Variants in LRRC49 observed in about 807,000 individuals in gnomAD.
LRRC49 encodes the protein leucine-rich repeat-containing protein 49.
A neutral mutation model predicts 83.3 loss-of-function variants in LRRC49; 50 were observed. That is an observed-to-expected ratio of 0.60 (90% CI 0.48 to 0.76). The LOEUF (loss-of-function observed/expected upper bound fraction) is 0.76. LRRC49 is among the 30% of genes least tolerant of loss of function. The probability of loss-of-function intolerance (pLI) is 0.00; values close to 1 mark genes in which losing one functional copy is unlikely to be tolerated. For missense variants in LRRC49, 704 were observed against 809.1 expected (o/e 0.87, Z 1.58); for synonymous variants, 286 against 283.3 (o/e 1.01, Z -0.10).
upstream of LRRC49, among the ~76,000 whole-genome samples, chr15:70,888,997 T>C (rs2033481934): frequency 6.6e-6 from 1 of 152,154 alleles, no homozygotes; most frequent in Non-Finnish European, 1.5e-5. Flanking sequence ...AAACTTGTGG[T>C]AGAAGTGTAA....
At position 71,009,883 on chromosome 15, in the gene LRRC49, A is replaced by C; in HGVS notation, c.1484A>C (p.Gln495Pro). ...NALAQLRRID[Q>P]LTIDPQGNPV... ...CTAGCCCAACTCCGTCGTATTGACC[A>C]GTTGACAATTGATCCTCAAGGAAAT... The change falls in exon 13 of 16, where the codon CAG becomes CCG. Residue 495 changes from glutamine to proline, a missense_variant. Physicochemically the swap from Gln to Pro is moderately conservative, Grantham distance 76 (BLOSUM62 -1). Coordinates refer to ENST00000260382, the MANE Select transcript of LRRC49 (RefSeq NM_017691.5). 6.2e-7 allele frequency: 1 copy of C among 1,612,568 alleles called. No individual in the cohort carries two copies. Among genetic ancestry groups the C allele is most frequent in the Non-Finnish European group, 8.5e-7 (1 of 1,178,850 alleles).
At chr15:70,879,140 TTC>T (rs904760999) in intron 2 of LRRC49, among the ~76,000 whole-genome samples, 4 of 152,212 alleles carry the variant, frequency 2.6e-5, no homozygotes, top group Non-Finnish European at 4.4e-5. Context: ...GCTTCAGACT[TTC>T]TGTTTCTCCT....
chr15:70,871,180 A>G (rs2033025556), intron 1 of LRRC49, among the ~76,000 whole-genome samples: 1 of 151,936 alleles, frequency 6.6e-6, no homozygotes, highest in Admixed American at 6.6e-5. Context: ...GCCTTCAAGC[A>G]TCTGTTTAAC....
intron 8 of LRRC49, among the ~76,000 whole-genome samples, chr15:70,948,355 C>G (rs2036086499): frequency 6.6e-6 from 1 of 152,174 alleles, no homozygotes; most frequent in South Asian, 2.1e-4. Flanking sequence ...GCTTCACCTA[C>G]TGCTTTTCAT....
At chr15:71,018,010 A>G (rs2038879975) in intron 14 of LRRC49, among the ~76,000 whole-genome samples, 1 of 152,172 alleles carries the variant, frequency 6.6e-6, no homozygotes, top group Admixed American at 6.5e-5. Flanking sequence ...TGTAGAATCT[A>G]TATGATACTG....
upstream of LRRC49, chr15:70,892,003 G>A (rs2033596989): frequency 1.2e-6 from 2 of 1,612,920 alleles, no homozygotes; most frequent in Admixed American, 1.7e-5. Flanking sequence ...CGGGCACCCG[G>A]TGCAGGGTGG....
intron 2 of LRRC49, among the ~76,000 whole-genome samples, chr15:70,886,972 T>A (rs776352843): frequency 6.6e-6 from 1 of 152,022 alleles, no homozygotes. Flanking sequence ...AATACAAGAT[T>A]ATCATGAAGG....
upstream of LRRC49, among the ~76,000 whole-genome samples, chr15:70,890,239 T>C (rs1654657572): frequency 2.0e-5 from 3 of 152,128 alleles, no homozygotes; most frequent in Non-Finnish European, 4.4e-5. Context: ...AGTATTTATC[T>C]CTCTTGCTAC....
chr15:71,027,717 G>C (rs186189809), intron 14 of LRRC49, among the ~76,000 whole-genome samples: 1 of 152,260 alleles, frequency 6.6e-6, no homozygotes, highest in East Asian at 1.9e-4. Context: ...GTGAATGGTA[G>C]TTCACTCATG....
intron 14 of LRRC49, among the ~76,000 whole-genome samples, chr15:71,026,821 C>T (rs2039187836): frequency 6.6e-6 from 1 of 151,858 alleles, no homozygotes; most frequent in Admixed American, 6.6e-5. Flanking sequence ...GCTTTAAGTT[C>T]CTTGTAGATT....
At chr15:70,922,928 T>A (rs1159664571) in intron 7 of LRRC49, among the ~76,000 whole-genome samples, 7 of 152,028 alleles carry the variant, frequency 4.6e-5, no homozygotes, top group African/African-American at 1.4e-4. Context: ...TTTGTATATA[T>A]CTTTTATTTT....
At chr15:70,926,551 G>A (rs949363244) in intron 7 of LRRC49, among the ~76,000 whole-genome samples, 1 of 151,844 alleles carries the variant, frequency 6.6e-6, no homozygotes, top group African/African-American at 2.4e-5. Context: ...AAGTTTTAGG[G>A]TACATGTGCA....
chr15:70,928,531 CATTTATTT>C (rs200085806), intron 7 of LRRC49, among the ~76,000 whole-genome samples: 25 of 151,678 alleles, frequency 1.6e-4, no homozygotes, highest in Non-Finnish European at 3.1e-4. Context: ...TCATAACTTT[CATTTATTT>C]ATTTATTTAT....
At chr15:70,903,684 A>G (rs184547028) in intron 4 of LRRC49, among the ~76,000 whole-genome samples, 1 of 152,262 alleles carries the variant, frequency 6.6e-6, no homozygotes, top group African/African-American at 2.4e-5. Flanking sequence ...AGTTGTTCAC[A>G]CTCAGATAGA....
At chr15:70,990,935 C>G (rs1259850996) in intron 11 of LRRC49, among the ~76,000 whole-genome samples, 1 of 152,216 alleles carries the variant, frequency 6.6e-6, no homozygotes, top group Non-Finnish European at 1.5e-5. Flanking sequence ...TTCCCTAACT[C>G]CAAGTTGGTA....
intron 1 of LRRC49, among the ~76,000 whole-genome samples, chr15:70,867,520 G>A (rs755873439): frequency 6.6e-6 from 1 of 152,108 alleles, no homozygotes; most frequent in African/African-American, 2.4e-5. Context: ...TCCCAGTGAG[G>A]TATTGTTAGA....
chr15:71,019,807 T>C (rs2038938851), intron 14 of LRRC49, among the ~76,000 whole-genome samples: 1 of 152,186 alleles, frequency 6.6e-6, no homozygotes, highest in Non-Finnish European at 1.5e-5. Context: ...TGTCTCTAAA[T>C]ATCTGGAAAA....
chr15:71,049,663 G>C lies in LRRC49; in HGVS notation c.*51G>C, dbSNP rs747014651. On this transcript the variant is annotated 3_prime_UTR_variant, in exon 16 of 16. Transcript: ENST00000260382. ...TTGGCAGTTTTATTTTTTGAAGGTT[G>C]AAAATATGCAGGTTATACATGTTAA... 15 of 1,232,616 alleles carry C rather than the reference G, an allele frequency of 1.2e-5. No individual in the cohort carries two copies. The highest frequency in any genetic ancestry group is 1.1e-4 in the Admixed American group (6 of 54,154). The allele number at this position is 1,232,616 out of a possible 1,614,324, so 76.4% of individuals were successfully genotyped here.
At chr15:71,039,601 A>G (rs994777289) in intron 15 of LRRC49, among the ~76,000 whole-genome samples, 8 of 152,220 alleles carry the variant, frequency 5.3e-5, no homozygotes, top group African/African-American at 1.7e-4. Context: ...TGCAAATGCC[A>G]TGTAAATAGT....
Sources: gnomAD v4.1 joint callset for allele counts (sites outside exome capture counted in the v4.1 genomes callset) on GRCh38, gnomAD v4.1.1 for gene constraint, MANE v1.5 for transcripts, NCBI Gene and HGNC (gene_info 2026-07-23, HGNC 2026-07-21) for gene names.